Variants in CCDC88B observed in about 807,000 individuals in gnomAD.
The protein encoded by CCDC88B is coiled-coil domain-containing protein 88B.
Under a neutral mutation model 183.7 loss-of-function variants are expected in CCDC88B, and 138 were observed. The ratio of observed to expected loss-of-function variants is 0.75; its 90% CI spans 0.65 to 0.87. CCDC88B has a LOEUF of 0.87. Among genes scored for constraint, CCDC88B ranks in the 40% least tolerant of loss-of-function variants. CCDC88B has a pLI of 0.00. For synonymous variants in CCDC88B, 835 were observed against 867.5 expected, an observed-to-expected ratio of 0.96 and a Z score of 0.66; for missense variants, 1,822 against 1,965.6, an observed-to-expected ratio of 0.93 and a Z score of 1.38.
At position 64,340,278 on chromosome 11, in the gene CCDC88B, C is replaced by A; in HGVS notation, c.12C>A (p.Gly4=). The A allele has an allele frequency of 1.6e-6, 2 of 1,266,932 alleles. No homozygotes were observed. The highest frequency in any genetic ancestry group is 2.0e-6 in the Non-Finnish European group (2 of 997,364). 78.5% of individuals were successfully genotyped at this position (1,266,932 alleles called of 1,614,324 possible). A position where few individuals can be genotyped will look rare whatever the true frequency, so the allele number is the denominator to read the frequency against. The change falls in exon 1 of 27, where the codon GGC becomes GGA. Residue 4 remains glycine, a synonymous_variant. Coordinates refer to ENST00000356786, the MANE Select transcript of CCDC88B (RefSeq NM_032251.6). The part of the protein sequence containing the change: MEG[G]KGPRLRDFLS... The stretch of plus-strand genomic sequence containing the variant: ...ACCCCGACCCGGGCATGGAGGGGGG[C>A]AAGGGGCCCAGGCTCAGAGACTTCC...
At chr11:64,346,564 C>T (rs1312335453) in intron 14 of CCDC88B, among the ~76,000 whole-genome samples, 20 of 151,424 alleles carry the variant, frequency 1.3e-4, no homozygotes, top group Non-Finnish European at 2.2e-4. Context: ...CCTCAGCCTC[C>T]GGAGTAGCTG....
chr11:64,341,946 C>G, intron 7 of CCDC88B, 48 bp from the exon 8 acceptor site: 3 of 1,610,304 alleles, frequency 1.9e-6, no homozygotes, highest in Non-Finnish European at 1.7e-6. Flanking sequence ...GGTCGATGTG[C>G]AGAGGCATTG....
Position 64,344,479 on chromosome 11 carries a change from T to A in CCDC88B, c.1938T>A (p.Pro646=), listed in dbSNP as rs1317940391. The A allele has an allele frequency of 6.2e-7, 1 of 1,600,204 alleles. No homozygotes were observed. ...CCTGGGGGTTGAGACAGGAGGGCCC[T>A]GAGCACAAGCCAGGGCCTTCGGAGC... ...PEAWGLRQEG[P]EHKPGPSEPS... is the part of the protein sequence containing the mutation. Residue 646 remains proline (P), a synonymous_variant, in exon 14 of 27, where the codon CCT becomes CCA. Coordinates refer to ENST00000356786, the MANE Select transcript of CCDC88B (RefSeq NM_032251.6). This position sits in a 1 kb window ranked among gnomAD's most constrained non-coding sequence, Gnocchi z 4.5.
intron 17 of CCDC88B, 89 bp downstream of exon 17, chr11:64,351,344 C>T (rs2036322318): frequency 1.2e-5 from 18 of 1,497,998 alleles, no homozygotes; most frequent in South Asian, 6.3e-5. Flanking sequence ...GGGGGTATCC[C>T]GTGCAGTGTG....
At chr11:64,349,201 G>A in intron 14 of CCDC88B, 130 bp from the exon 15 acceptor site, 1 of 1,096,676 alleles carries the variant, frequency 9.1e-7, no homozygotes, top group East Asian at 2.6e-5. Context: ...GGGAAGTAGA[G>A]CCCAAAGGCT....
chr11:64,353,044 GC>G lies in CCDC88B; in HGVS notation c.3501-8del, dbSNP rs764724040. The stretch of plus-strand genomic sequence containing the variant: ...GGTCCCTTGGAGAGCAGCTCTCCTT[GC>G]CTCCCAAGGGCTCAGATGCTGCTGG... On this transcript the variant is annotated splice_polypyrimidine_tract_variant and intron_variant, in intron 20 of 26. Transcript: ENST00000356786. 15 of 1,583,214 alleles carry G rather than the reference GC, an allele frequency of 9.5e-6. No individual in the cohort carries two copies. The African/African-American group carries it at 1.5e-4, about 16-fold the overall frequency.
chr11:64,345,516 C>T (rs2036074171), intron 14 of CCDC88B, among the ~76,000 whole-genome samples: 1 of 152,120 alleles, frequency 6.6e-6, no homozygotes, highest in Admixed American at 6.5e-5. Flanking sequence ...CTGTAAAGGT[C>T]TGGTTCATGC....
intron 18 of CCDC88B, 70 bp downstream of exon 18, chr11:64,351,686 T>C: frequency 6.9e-7 from 1 of 1,451,818 alleles, no homozygotes; most frequent in Non-Finnish European, 9.0e-7. Flanking sequence ...GATCATCCTG[T>C]GGCCTTTTTC....
chr11:64,354,547 C>T (rs1302689962), intron 24 of CCDC88B, among the ~76,000 whole-genome samples: 1 of 151,982 alleles, frequency 6.6e-6, no homozygotes, highest in Non-Finnish European at 1.5e-5. Context: ...CAGCACAGGG[C>T]CAGTGTCCTG....
rs201226302 is a variant in CCDC88B at position 64,341,030 on chromosome 11, C to G, written c.318+12C>G. On this transcript the variant is annotated intron_variant, in intron 3 of 26. Transcript: ENST00000356786. ...GGGACTTCTACCAGGTAAGGGGTCT[C>G]GAGGGAAAGGCGGAGACAGGAGGGG... is the stretch of plus-strand genomic sequence containing the variant. 4.7e-4 allele frequency: 753 copies of G among 1,612,192 alleles called. 2 individuals carry two copies. The highest frequency in any genetic ancestry group is 8.3e-4 in the Middle Eastern group (5 of 6,048).
At chr11:64,355,437 AAC>A in intron 25 of CCDC88B, 37 bp downstream of exon 25, 1 of 1,584,458 alleles carries the variant, frequency 6.3e-7, no homozygotes, top group Admixed American at 1.8e-5. Context: ...CCAGCCCCCC[AAC>A]TCTTTGTGGA....
Position 64,349,397 on chromosome 11 carries a change from C to G in CCDC88B, c.2683C>G (p.Leu895Val). 3.7e-6 allele frequency: 6 copies of G among 1,613,438 alleles called. No homozygotes were observed. Among genetic ancestry groups the G allele is most frequent in the Non-Finnish European group, 5.1e-6 (6 of 1,179,906 alleles). The change falls in exon 15 of 27, where the codon CTG becomes GTG. Residue 895 changes from leucine (L) to valine (V), a missense_variant. Physicochemically the swap from Leu to Val is conservative, Grantham distance 32. Transcript: ENST00000356786. ...CCGGCTGGAGCATTTGCAGCGTGAG[C>G]TGGAGCAGGCGGCTCTCGAGCGCCA... ...GDRLEHLQRE[L>V]EQAALERQEF...
At position 64,353,480 on chromosome 11, in the gene CCDC88B, G is replaced by C; in HGVS notation, c.3817G>C (p.Glu1273Gln). 6.2e-7 allele frequency: 1 copy of C among 1,611,784 alleles called. No homozygotes were observed. Among genetic ancestry groups the C allele is most frequent in the Middle Eastern group, 1.9e-4 (1 of 5,282 alleles). ...GGAGAGTCGGGACCACCTGCACCGC[G>C]AACAGCGGGAGTACCTGTGAGTGGG... ...SLESRDHLHR[E>Q]QREYLDQLNA... The change falls in exon 22 of 27, where the codon GAA becomes CAA. Residue 1273 changes from glutamate to glutamine, a missense_variant. By Grantham distance (29) the Glu-to-Gln change is conservative (BLOSUM62 2). Transcript: ENST00000356786.
In CCDC88B at chr11:64,355,787, G is replaced by A. The variant is rs1591302879; in HGVS notation, c.4375+159G>A. The A allele has an allele frequency of 8.4e-6, 5 of 598,646 alleles. No homozygotes were observed. In the East Asian group the frequency reaches 1.3e-4, roughly 15 times the overall value. The allele number at this position is 598,646 out of a possible 1,614,324, so 37.1% of individuals were successfully genotyped here. A position where few individuals can be genotyped will look rare whatever the true frequency, so the allele number is the denominator to read the frequency against. On this transcript the variant is annotated intron_variant, in intron 26 of 26. Coordinates refer to ENST00000356786, the MANE Select transcript of CCDC88B (RefSeq NM_032251.6). ...GCAGGGAACGTTCTGGTGTGAGGAG[G>A]CAGATAGTAAACAATTTGCCTAAAA...
Position 64,342,070 on chromosome 11 carries a change from G to A in CCDC88B, c.752G>A (p.Gly251Asp), listed in dbSNP as rs963072871. The change falls in exon 8 of 27, where the codon GGC becomes GAC. Residue 251 changes from glycine to aspartate, a missense_variant. Gly to Asp is a moderately conservative substitution (Grantham distance 94, BLOSUM62 -1). Coordinates refer to ENST00000356786, the MANE Select transcript of CCDC88B (RefSeq NM_032251.6). ...PEAPSRAPAE[G>D]PSHHLALQLA... ...GCTCCCTCTAGGGCTCCCGCCGAGG[G>A]CCCCTCGCACCATCTGGCCCTGCAG... is the stretch of plus-strand genomic sequence containing the variant. 1 of 1,611,600 alleles carries A rather than the reference G, an allele frequency of 6.2e-7. No homozygotes were observed. Among genetic ancestry groups the A allele is most frequent in the Non-Finnish European group, 8.5e-7 (1 of 1,179,438 alleles).
chr11:64,346,813 C>CTTTTCT (rs1554965211), intron 14 of CCDC88B, among the ~76,000 whole-genome samples: 1 of 150,200 alleles, frequency 6.7e-6, no homozygotes, highest in African/African-American at 2.5e-5. Context: ...CTTTTCTTTT[C>CTTTTCT]TTTTTTTGAG....
chr11:64,357,310 C>T lies in CCDC88B; in HGVS notation c.*216C>T, dbSNP rs1277275700. The T allele has an allele frequency of 2.1e-5, 15 of 725,556 alleles. No individual in the cohort carries two copies. Among genetic ancestry groups the T allele is most frequent in the African/African-American group, 3.5e-5 (2 of 57,376 alleles). The allele number at this position is 725,556 out of a possible 1,614,324, so 44.9% of individuals were successfully genotyped here. On this transcript the variant is annotated 3_prime_UTR_variant, in exon 27 of 27. Transcript: ENST00000356786. ...AGGGGGGATGGCTGGCCCCCACGAG[C>T]AGCTCCAGGCTGGAGTTCTGGTTCT... is the stretch of plus-strand genomic sequence containing the variant.
At chr11:64,348,423 A>C (rs2036201179) in intron 14 of CCDC88B, among the ~76,000 whole-genome samples, 1 of 146,626 alleles carries the variant, frequency 6.8e-6, no homozygotes, top group African/African-American at 2.5e-5. Context: ...GGAGGAGGGC[A>C]GGGCAGGGGC....
rs763629886 is a variant in CCDC88B at position 64,341,106 on chromosome 11, C to T, written c.319-3C>T. 1 of 1,614,052 alleles carries T rather than the reference C, an allele frequency of 6.2e-7. No individual in the cohort carries two copies. The highest frequency in any genetic ancestry group is 8.5e-7 in the Non-Finnish European group (1 of 1,180,002). ...CTCATATAGTCTGCCTCTCTGCCTC[C>T]AGGAGGAGCTGCAGCTGCTGATCCT... On this transcript the variant is annotated splice_polypyrimidine_tract_variant and splice_region_variant and intron_variant, in intron 3 of 26. Coordinates refer to ENST00000356786, the MANE Select transcript of CCDC88B (RefSeq NM_032251.6).
Sources: gnomAD v4.1 joint callset for allele counts (sites outside exome capture counted in the v4.1 genomes callset) on GRCh38, gnomAD v4.1.1 for gene constraint, Gnocchi (gnomAD v3.1) non-coding constraint, MANE v1.5 for transcripts, NCBI Gene and HGNC (gene_info 2026-07-23, HGNC 2026-07-21) for gene names.